The following ADGRA3 variants were observed in gnomAD, a reference collection of about 807,000 sequenced individuals.
The protein encoded by ADGRA3 is adhesion G protein-coupled receptor A3.
In ADGRA3, 56 loss-of-function variants were observed where a neutral mutation model predicts 119.8. The ratio of observed to expected loss-of-function variants is 0.47; its 90% CI spans 0.38 to 0.58. ADGRA3 has a LOEUF of 0.58. ADGRA3 is among the 20% of genes least tolerant of loss of function. The pLI is 0.00. For synonymous variants in ADGRA3, 607 were observed against 623.8 expected, an observed-to-expected ratio of 0.97 and a Z score of 0.40; for missense variants, 1,516 against 1,649.0, an observed-to-expected ratio of 0.92 and a Z score of 1.40.
intron 10 of ADGRA3, 56 bp downstream of exon 10, chr4:22,435,255 T>C: frequency 7.2e-7 from 1 of 1,392,690 alleles, no homozygotes; most frequent in South Asian, 1.2e-5. Flanking sequence ...GATTGAACTC[T>C]GTCACACTAC....
chr4:22,473,819 G>C lies in ADGRA3; in HGVS notation c.282C>G (p.Ser94=). The change falls in exon 2 of 19, where the codon TCC becomes TCG. Residue 94 remains serine, a synonymous_variant. Transcript: ENST00000334304. ...VTLILSNNKI[S]ELKNGSFSGL... ...CAGAAAATGAGCCATTCTTCAGCTC[G>C]GATATCTTATTGTTACTCAGAATCC... 2 of 1,604,812 alleles carry C rather than the reference G, an allele frequency of 1.2e-6. No individual in the cohort carries two copies. Among genetic ancestry groups the C allele is most frequent in the Non-Finnish European group, 1.7e-6 (2 of 1,174,204 alleles).
chr4:22,500,164 A>G (rs1719002125), intron 1 of ADGRA3, among the ~76,000 whole-genome samples: 1 of 141,886 alleles, frequency 7.0e-6, no homozygotes, highest in African/African-American at 2.5e-5. Context: ...GCTTCCATGT[A>G]AACAAGTTTT....
chr4:22,423,119 C>T (rs1433476577), intron 11 of ADGRA3, among the ~76,000 whole-genome samples: 2 of 151,614 alleles, frequency 1.3e-5, no homozygotes, highest in Non-Finnish European at 2.9e-5. Flanking sequence ...TGCTTGAACA[C>T]GGGTGGCGGA....
At chr4:22,482,872 G>A (rs1718299436) in intron 1 of ADGRA3, among the ~76,000 whole-genome samples, 1 of 152,162 alleles carries the variant, frequency 6.6e-6, no homozygotes, top group African/African-American at 2.4e-5. Context: ...GAGGGCCTTG[G>A]GGCAGGAGAG....
chr4:22,453,713 C>A (rs1220720005), intron 4 of ADGRA3, among the ~76,000 whole-genome samples: 1 of 152,198 alleles, frequency 6.6e-6, no homozygotes, highest in Non-Finnish European at 1.5e-5. Context: ...CATTTTCCAA[C>A]ATAAATGTCT....
At chr4:22,477,465 C>T (rs1718089405) in intron 1 of ADGRA3, among the ~76,000 whole-genome samples, 1 of 152,158 alleles carries the variant, frequency 6.6e-6, no homozygotes, top group Admixed American at 6.5e-5. Flanking sequence ...TCAAACTTTG[C>T]AGTCACTAAG....
chr4:22,480,349 G>A (rs889843790), intron 1 of ADGRA3, among the ~76,000 whole-genome samples: 1 of 152,060 alleles, frequency 6.6e-6, no homozygotes, highest in Non-Finnish European at 1.5e-5. Context: ...TATATTCTGA[G>A]GGACACAGCC....
Position 22,388,037 on chromosome 4 carries a change from C to T in ADGRA3, c.3634G>A (p.Gly1212Ser). 1.2e-6 allele frequency: 2 copies of T among 1,614,120 alleles called. No homozygotes were observed. Among genetic ancestry groups the T allele is most frequent in the Non-Finnish European group, 1.7e-6 (2 of 1,180,018 alleles). The change falls in exon 19 of 19, where the codon GGC becomes AGC. Residue 1212 changes from glycine (G) to serine (S), a missense_variant. Physicochemically the swap from Gly to Ser is moderately conservative, Grantham distance 56. Around this residue, in one of 2 missense-constraint regions of ADGRA3, gnomAD observed 1,088 missense variants for 1,107.1 expected, o/e 0.98. Transcript: ENST00000334304. ...VQNGLPKSRL[G>S]NNEGHSRSRR... The stretch of plus-strand genomic sequence containing the variant: ...CTCCTCGAGTGTCCTTCGTTATTGC[C>T]CAGCCGGCTTTTAGGTAAGCCGTTC...
intron 14 of ADGRA3, among the ~76,000 whole-genome samples, chr4:22,412,757 T>A (rs1378671573): frequency 1.3e-5 from 2 of 152,122 alleles, no homozygotes; most frequent in African/African-American, 4.8e-5. Flanking sequence ...TAAATTTAAA[T>A]AGAGTCTAAC....
At chr4:22,455,029 C>T (rs549673296) in intron 3 of ADGRA3, 92 bp from the exon 4 acceptor site, 13 of 818,490 alleles carry the variant, frequency 1.6e-5, no homozygotes, top group African/African-American at 5.1e-5. Context: ...ACCCAGGTAT[C>T]GCACAAGACC....
intron 7 of ADGRA3, among the ~76,000 whole-genome samples, chr4:22,440,886 C>T (rs1302288257): frequency 3.3e-5 from 5 of 152,224 alleles, no homozygotes; most frequent in Admixed American, 1.3e-4. Flanking sequence ...TCATTTCGAA[C>T]GATTAATCGT....
chr4:22,471,548 A>C (rs369271826), intron 2 of ADGRA3, among the ~76,000 whole-genome samples: 2 of 152,182 alleles, frequency 1.3e-5, no homozygotes, highest in African/African-American at 4.8e-5. Context: ...GCAGGTCCCA[A>C]CTGGGCATGC....
At chr4:22,417,477 TCAA>T (rs751973573) in intron 12 of ADGRA3, among the ~76,000 whole-genome samples, 4 of 152,134 alleles carry the variant, frequency 2.6e-5, no homozygotes, top group Non-Finnish European at 5.9e-5. Flanking sequence ...CTTAATCCTC[TCAA>T]CAACCCTTCG....
At chr4:22,459,077 TGAGA>T (rs1001968489) in intron 3 of ADGRA3, among the ~76,000 whole-genome samples, 1 of 152,052 alleles carries the variant, frequency 6.6e-6, no homozygotes, top group African/African-American at 2.4e-5. Flanking sequence ...TAAGGCTGCC[TGAGA>T]GAGAAAAATA....
chr4:22,503,982 T>G (rs1055619904), intron 1 of ADGRA3, among the ~76,000 whole-genome samples: 2 of 152,124 alleles, frequency 1.3e-5, no homozygotes, highest in Non-Finnish European at 2.9e-5. Flanking sequence ...TTAGCAATTT[T>G]GACAAAAGAT....
At position 22,509,804 on chromosome 4, in the gene ADGRA3, A is replaced by G. The variant is rs567171341; in HGVS notation, c.257+5724T>C. 3.6e-3 allele frequency among the ~76,000 whole-genome samples: 548 copies of G among 151,880 alleles called. 1 individual carries two copies. The highest frequency in any genetic ancestry group is 0.013 in the African/African-American group (521 of 41,410). ...GGCGGGCGGATCACGAGGTCAGGAGATCGAGACCATCCTGGCTAACACGGT... is the reference window on the plus strand; with the variant it reads ...GGCGGGCGGATCACGAGGTCAGGAGGTCGAGACCATCCTGGCTAACACGGT... On this transcript the variant is annotated intron_variant, in intron 1 of 18. Coordinates refer to ENST00000334304, the MANE Select transcript of ADGRA3 (RefSeq NM_145290.4).
intron 3 of ADGRA3, among the ~76,000 whole-genome samples, chr4:22,457,337 G>A (rs1241777662): frequency 6.6e-6 from 1 of 152,150 alleles, no homozygotes; most frequent in Non-Finnish European, 1.5e-5. Flanking sequence ...CTTGTTAAGG[G>A]AGATGCACAA....
intron 1 of ADGRA3, among the ~76,000 whole-genome samples, chr4:22,489,694 T>C (rs10019604): frequency 0.016 from 2,375 of 152,218 alleles, 61 homozygotes; most frequent in African/African-American, 0.055. Flanking sequence ...CATGAAAACT[T>C]GTGGGTATTT....
At chr4:22,427,043 T>C (rs776999595) in intron 10 of ADGRA3, among the ~76,000 whole-genome samples, 1 of 152,232 alleles carries the variant, frequency 6.6e-6, no homozygotes, top group Non-Finnish European at 1.5e-5. Flanking sequence ...GAATTCACAG[T>C]AGTTGGAATA....
Sources: gnomAD v4.1 joint callset for allele counts (sites outside exome capture counted in the v4.1 genomes callset) on GRCh38, gnomAD v4.1.1 for gene constraint, gnomAD v4.1.1 regional missense constraint, MANE v1.5 for transcripts, NCBI Gene and HGNC (gene_info 2026-07-23, HGNC 2026-07-21) for gene names.